Variants in PDE3A observed in about 807,000 individuals in gnomAD.
PDE3A encodes cGMP-inhibited 3',5'-cyclic phosphodiesterase 3A.
PDE3A carries 43 observed loss-of-function variants against 98.3 expected under a neutral mutation model. That is an observed-to-expected ratio of 0.44 (90% CI 0.34 to 0.56). PDE3A has a LOEUF of 0.56. Among genes scored for constraint, PDE3A ranks in the 20% least tolerant of loss-of-function variants. The probability of loss-of-function intolerance (pLI) is 0.01; values close to 1 mark genes in which losing one functional copy is unlikely to be tolerated. For missense variants in PDE3A, 1,427 were observed against 1,440.7 expected (o/e 0.99, Z 0.15); for synonymous variants, 663 against 567.9 (o/e 1.17, Z -2.38).
rs1301721599 is a variant in PDE3A at position 20,491,586 on chromosome 12, C to A, written c.961-65074C>A. ...GTTTGGTCACTAGGGGGACTTTTGA[C>A]CTCAGGTGTCCCATTTTTAAAGATA... On this transcript the variant is annotated intron_variant, in intron 1 of 15. Coordinates refer to ENST00000359062, the MANE Select transcript of PDE3A (RefSeq NM_000921.5). Among the ~76,000 whole-genome samples the A allele has an allele frequency of 8.5e-5, 13 of 152,204 alleles. No individual in the cohort carries two copies. The South Asian group carries it at 2.7e-3, about 32-fold the overall frequency.
At chr12:20,451,262 G>A (rs111746874) in intron 1 of PDE3A, among the ~76,000 whole-genome samples, 2,481 of 152,078 alleles carry the variant, frequency 0.016, 37 homozygotes, top group Non-Finnish European at 0.025. Flanking sequence ...GTTATTCGGT[G>A]GTCTTTTATT....
intron 1 of PDE3A, among the ~76,000 whole-genome samples, chr12:20,513,280 C>T (rs1427562629): frequency 6.6e-6 from 1 of 152,052 alleles, no homozygotes; most frequent in African/African-American, 2.4e-5. Flanking sequence ...TAATACAGTA[C>T]GTTAGAAATA....
intron 1 of PDE3A, among the ~76,000 whole-genome samples, chr12:20,520,189 G>A (rs77549449): frequency 0.057 from 8,697 of 152,130 alleles, 504 homozygotes; most frequent in African/African-American, 0.15. Flanking sequence ...AGAAGCAACT[G>A]AAGTGCTGGA....
At chr12:20,654,667 TTTTTTTTTTTTTTTTTTTGTA>T (rs1368359390) in intron 15 of PDE3A, among the ~76,000 whole-genome samples, 13 of 138,398 alleles carry the variant, frequency 9.4e-5, no homozygotes, top group African/African-American at 2.5e-4. Flanking sequence ...CGGCTTTTTT[TTTTTTTTTTTTTTTTTTTGTA>T]TTTTGAGTAG....
In PDE3A at chr12:20,616,410, A is replaced by G. The variant is rs1343196265; in HGVS notation, c.1424+26A>G. ...GTGGCATACGGCTCCTGCTGGTTTA[A>G]TGTCTCTTAGAGAAGTTACTTGCCA... On this transcript the variant is annotated intron_variant, in intron 4 of 15. Coordinates refer to ENST00000359062, the MANE Select transcript of PDE3A (RefSeq NM_000921.5). The G allele has an allele frequency of 4.4e-6, 7 of 1,608,510 alleles. No homozygotes were observed. The South Asian group carries it at 4.4e-5, about 10-fold the overall frequency.
intron 1 of PDE3A, among the ~76,000 whole-genome samples, chr12:20,485,562 A>G (rs1945712251): frequency 6.6e-6 from 1 of 152,202 alleles, no homozygotes; most frequent in South Asian, 2.1e-4. Context: ...AATAAGACAA[A>G]GTAAGATTAT....
chr12:20,633,630 G>A (rs1021673135), intron 6 of PDE3A, 63 bp from the exon 7 acceptor site: 1 of 781,828 alleles, frequency 1.3e-6, no homozygotes, highest in Non-Finnish European at 2.1e-6. Context: ...TACATAGATG[G>A]TATGTGCCTA....
At chr12:20,532,222 G>A (rs1484816779) in intron 1 of PDE3A, among the ~76,000 whole-genome samples, 1 of 151,998 alleles carries the variant, frequency 6.6e-6, no homozygotes, top group Non-Finnish European at 1.5e-5. Context: ...ACAAAAAAAG[G>A]CACACTGACA....
Position 20,630,106 on chromosome 12 carries a change from C to T in PDE3A, c.1739C>T (p.Thr580Ile), listed in dbSNP as rs1219091437. ...SAPDLSPQIL[T>I]PPVICSSCGR... Reference sequence around the variant, plus strand: ...CCAGACCTATCCCCTCAAATCCTGACTCCACCTGTTATATGTAGCAGGTAA... The same window carrying T: ...CCAGACCTATCCCCTCAAATCCTGATTCCACCTGTTATATGTAGCAGGTAA... Residue 580 changes from threonine (T) to isoleucine (I), a missense_variant, in exon 6 of 16, where the codon ACT (threonine) becomes ATT (isoleucine). Physicochemically the swap from Thr to Ile is moderately conservative, Grantham distance 89 (BLOSUM62 -1). Transcript: ENST00000359062. 1 of 1,611,036 alleles carries T rather than the reference C, an allele frequency of 6.2e-7. No individual in the cohort carries two copies. The highest frequency in any genetic ancestry group is 1.7e-5 in the Admixed American group (1 of 59,992).
chr12:20,555,245 C>T (rs1434657531), intron 1 of PDE3A, among the ~76,000 whole-genome samples: 1 of 152,158 alleles, frequency 6.6e-6, no homozygotes, highest in Admixed American at 6.5e-5. Context: ...AACTCCTCAC[C>T]ACAGGAAATC....
rs760627077 is a variant in PDE3A, at chr12:20,559,947, A to T, written c.1011+3237A>T. ...TTGGATGGCAACTCTTACAGCAATTACTGTGAAGGGATAATCTGGAGAATG... is the reference window on the plus strand; with the variant it reads ...TTGGATGGCAACTCTTACAGCAATTTCTGTGAAGGGATAATCTGGAGAATG... On this transcript the variant is annotated intron_variant, in intron 2 of 15. Transcript: ENST00000359062. Among the ~76,000 whole-genome samples the T allele has an allele frequency of 5.3e-4, 81 of 152,340 alleles. 1 individual carries two copies. Among genetic ancestry groups the T allele is most frequent in the Middle Eastern group, 3.4e-3 (1 of 294 alleles).
At position 20,556,785 on chromosome 12, in the gene PDE3A, A is replaced by C. The variant is rs981208158; in HGVS notation, c.1011+75A>C. 13 of 1,075,342 alleles carry C rather than the reference A, an allele frequency of 1.2e-5. No individual in the cohort carries two copies. In the African/African-American group the frequency reaches 1.9e-4, roughly 15 times the overall value. The allele number at this position is 1,075,342 out of a possible 1,614,324, so 66.6% of individuals were successfully genotyped here. On this transcript the variant is annotated intron_variant, in intron 2 of 15. Transcript: ENST00000359062. ...AGCCACGGGTTTTCTAAAACTCAAGAGATAATAAAATGTGGAGCGAGGAAG... is the reference window on the plus strand; with the variant it reads ...AGCCACGGGTTTTCTAAAACTCAAGCGATAATAAAATGTGGAGCGAGGAAG...
At chr12:20,531,179 A>G (rs1941589374) in intron 1 of PDE3A, among the ~76,000 whole-genome samples, 1 of 152,184 alleles carries the variant, frequency 6.6e-6, no homozygotes, top group Non-Finnish European at 1.5e-5. Context: ...TTATTCTACT[A>G]ACCTCAGCAA....
At chr12:20,450,320 T>C (rs889774116) in intron 1 of PDE3A, among the ~76,000 whole-genome samples, 1 of 152,206 alleles carries the variant, frequency 6.6e-6, no homozygotes, top group Non-Finnish European at 1.5e-5. Flanking sequence ...CAGGGGCCAA[T>C]AGGTCACAGA....
Position 20,522,728 on chromosome 12 carries a change from G to C in PDE3A, c.961-33932G>C, listed in dbSNP as rs112474573. 9.4e-3 allele frequency among the ~76,000 whole-genome samples: 1,434 copies of C among 152,220 alleles called. 30 individuals carry two copies. Among genetic ancestry groups the C allele is most frequent in the African/African-American group, 0.032 (1,339 of 41,526 alleles). ...ATTGGAAATGTGATGTGAGAGGGCAGAATGATCCTAAGGTTGTTGATGGTA... is the reference window on the plus strand; with the variant it reads ...ATTGGAAATGTGATGTGAGAGGGCACAATGATCCTAAGGTTGTTGATGGTA... On this transcript the variant is annotated intron_variant, in intron 1 of 15. Coordinates refer to ENST00000359062, the MANE Select transcript of PDE3A (RefSeq NM_000921.5).
intron 1 of PDE3A, among the ~76,000 whole-genome samples, chr12:20,493,983 TACACTTAA>T (rs1206538580): frequency 2.0e-5 from 3 of 152,244 alleles, no homozygotes; most frequent in African/African-American, 7.2e-5. Context: ...TATACCAGAA[TACACTTAA>T]ACCTTTCTGT....
At chr12:20,576,595 C>T (rs1001986788) in intron 2 of PDE3A, among the ~76,000 whole-genome samples, 1 of 152,060 alleles carries the variant, frequency 6.6e-6, no homozygotes, top group East Asian at 1.9e-4. Flanking sequence ...ATATCCACTA[C>T]TAGCAATAAA....
chr12:20,476,008 A>G (rs1392877578), intron 1 of PDE3A, among the ~76,000 whole-genome samples: 10 of 152,180 alleles, frequency 6.6e-5, no homozygotes, highest in Non-Finnish European at 1.2e-4. Flanking sequence ...TTCATGCTAC[A>G]AGTTATGTAG....
At chr12:20,608,163 G>A (rs1046033775) in intron 2 of PDE3A, among the ~76,000 whole-genome samples, 10 of 152,104 alleles carry the variant, frequency 6.6e-5, no homozygotes, top group African/African-American at 2.4e-4. Context: ...CCATCTTTCT[G>A]TTTTTCACCA....
Sources: gnomAD v4.1 joint callset for allele counts (sites outside exome capture counted in the v4.1 genomes callset) on GRCh38, gnomAD v4.1.1 for gene constraint, MANE v1.5 for transcripts, NCBI Gene and HGNC (gene_info 2026-07-23, HGNC 2026-07-21) for gene names.